Variants in GABRG3 observed in about 807,000 individuals in gnomAD.
GABRG3 encodes gamma-aminobutyric acid type A receptor subunit gamma3.
A neutral mutation model predicts 48.8 loss-of-function variants in GABRG3; 25 were observed. That is an observed-to-expected ratio of 0.51 (90% CI 0.37 to 0.72). The LOEUF (loss-of-function observed/expected upper bound fraction) is 0.72. GABRG3 is among the 30% of genes least tolerant of loss of function. GABRG3 has a pLI of 0.00. For missense variants in GABRG3, 394 were observed against 577.9 expected, an observed-to-expected ratio of 0.68 and a Z score of 3.26; for synonymous variants, 227 against 217.6, an observed-to-expected ratio of 1.04 and a Z score of -0.38.
chr15:27,211,950 G>A (rs1013006431), intron 3 of GABRG3, among the ~76,000 whole-genome samples: 1 of 152,130 alleles, frequency 6.6e-6, no homozygotes, highest in East Asian at 1.9e-4. Context: ...CAGATCACTC[G>A]AGGGTCATCT....
intron 3 of GABRG3, among the ~76,000 whole-genome samples, chr15:27,156,158 G>T (rs1440767148): frequency 6.6e-6 from 1 of 151,854 alleles, no homozygotes; most frequent in East Asian, 1.9e-4. Context: ...AATTAGCTGG[G>T]TGTGGTGGTG....
intron 3 of GABRG3, among the ~76,000 whole-genome samples, chr15:27,266,482 C>G (rs1595623930): frequency 6.6e-6 from 1 of 152,166 alleles, no homozygotes; most frequent in East Asian, 1.9e-4. Context: ...TGATCCTGCA[C>G]ATTTGTTCTT....
intron 5 of GABRG3, among the ~76,000 whole-genome samples, chr15:27,403,334 T>G (rs1335168314): frequency 6.6e-6 from 1 of 151,476 alleles, no homozygotes; most frequent in East Asian, 1.9e-4. Context: ...AGGAAGAAAA[T>G]GAGAGAGCAA....
chr15:27,316,387 C>CAAAAAAAAA (rs749930128), intron 3 of GABRG3, among the ~76,000 whole-genome samples: 8 of 41,534 alleles, frequency 1.9e-4, no homozygotes, highest in Non-Finnish European at 2.7e-4. Flanking sequence ...GACTCCGTCT[C>CAAAAAAAAA]AAAAAAAAAA....
At chr15:27,277,383 A>T (rs1891290914) in intron 3 of GABRG3, among the ~76,000 whole-genome samples, 1 of 152,222 alleles carries the variant, frequency 6.6e-6, no homozygotes, top group Non-Finnish European at 1.5e-5. Context: ...ATAACTATGT[A>T]ACATTGCAGG....
intron 3 of GABRG3, among the ~76,000 whole-genome samples, chr15:27,294,472 T>TC (rs1163336077): frequency 2.0e-5 from 3 of 152,090 alleles, no homozygotes; most frequent in Non-Finnish European, 4.4e-5. Flanking sequence ...TGCATCAGCC[T>TC]CCCAAACTGC....
chr15:27,270,521 T>C (rs1447792827), intron 3 of GABRG3, among the ~76,000 whole-genome samples: 1 of 152,164 alleles, frequency 6.6e-6, no homozygotes, highest in Non-Finnish European at 1.5e-5. Context: ...GTCACTCATA[T>C]GTGGAGTCTG....
chr15:27,306,636 ATTTATATATAAACATATATATGAACATG>A (rs750265107), intron 3 of GABRG3, among the ~76,000 whole-genome samples: 16,420 of 86,368 alleles, frequency 0.19, 3,821 homozygotes, highest in Non-Finnish European at 0.25. Flanking sequence ...ATAAACATAT[ATTTATATATAAACATATATATGAACATG>A]TTTATATATA....
chr15:27,025,105 C>T (rs1203886870), intron 2 of GABRG3, among the ~76,000 whole-genome samples: 6 of 151,508 alleles, frequency 4.0e-5, no homozygotes, highest in Non-Finnish European at 7.4e-5. Flanking sequence ...TGTGTGCGCA[C>T]ACTTATTGCA....
chr15:27,337,780 T>TA (rs35043850), intron 5 of GABRG3, among the ~76,000 whole-genome samples: 141 of 152,206 alleles, frequency 9.3e-4, no homozygotes, highest in Non-Finnish European at 1.7e-3. Context: ...TTGACTAACC[T>TA]AAAAAAAGCC....
At chr15:27,453,262 G>A (rs566404090) in intron 5 of GABRG3, among the ~76,000 whole-genome samples, 17 of 152,266 alleles carry the variant, frequency 1.1e-4, no homozygotes, top group Admixed American at 1.1e-3. Context: ...ATTTCTAAGA[G>A]AGTAGATATT....
chr15:26,981,900 AT>A (rs1173403244), intron 2 of GABRG3, among the ~76,000 whole-genome samples: 1 of 152,192 alleles, frequency 6.6e-6, no homozygotes, highest in Non-Finnish European at 1.5e-5. Context: ...TAGCCATCGA[AT>A]TTCAAAATCC....
intron 5 of GABRG3, among the ~76,000 whole-genome samples, chr15:27,470,516 A>C (rs1889755739): frequency 6.6e-6 from 1 of 151,026 alleles, no homozygotes; most frequent in South Asian, 2.1e-4. Flanking sequence ...TACAGGTGTG[A>C]GGGTGTAATC....
At chr15:27,265,385 C>T (rs2140469701) in intron 3 of GABRG3, among the ~76,000 whole-genome samples, 1 of 152,320 alleles carries the variant, frequency 6.6e-6, no homozygotes, top group East Asian at 1.9e-4. Context: ...GTACAAAAAA[C>T]ACCCGTCTAT....
chr15:27,504,201 ATCC>A (rs1890709056), intron 6 of GABRG3, among the ~76,000 whole-genome samples: 1 of 151,816 alleles, frequency 6.6e-6, no homozygotes, highest in African/African-American at 2.4e-5. Flanking sequence ...TTAATCTGTG[ATCC>A]TCCTTTTTTG....
In GABRG3 at chr15:27,085,224, T is replaced by A. The variant is rs770551077; in HGVS notation, c.270+58403T>A. 3.0e-4 allele frequency among the ~76,000 whole-genome samples: 46 copies of A among 152,180 alleles called. 1 individual carries two copies. Among genetic ancestry groups the A allele is most frequent in the Admixed American group, 2.6e-4 (4 of 15,288 alleles). ...GAGTCTGACCTCATGGGATGTCACA[T>A]CTCTAGGCTGTGATCTTGTTATTTG... On this transcript the variant is annotated intron_variant, in intron 3 of 9. Transcript: ENST00000615808.
chr15:26,973,112 C>G (rs1164446792), intron 1 of GABRG3, among the ~76,000 whole-genome samples: 1 of 152,178 alleles, frequency 6.6e-6, no homozygotes, highest in Admixed American at 6.5e-5. Context: ...AAACGAGTGA[C>G]CAGCCGTTCA....
intron 2 of GABRG3, among the ~76,000 whole-genome samples, chr15:26,986,273 C>T (rs17137533): frequency 0.049 from 7,468 of 152,246 alleles, 597 homozygotes; most frequent in African/African-American, 0.17. Context: ...TTCTTAATTG[C>T]TGTGCTTGAA....
Position 27,532,914 on chromosome 15 carries a change from G to C in GABRG3, c.*33G>C, listed in dbSNP as rs767609151. The C allele has an allele frequency of 2.5e-6, 4 of 1,599,676 alleles. No homozygotes were observed. The highest frequency in any genetic ancestry group is 3.4e-6 in the Non-Finnish European group (4 of 1,172,530). ...TCAGAGTGAAGAGTGAAGAGCATTT[G>C]GTACACACTTGACCTTCTGTCGTCC... On this transcript the variant is annotated 3_prime_UTR_variant, in exon 10 of 10. Transcript: ENST00000615808.
Sources: allele counts gnomAD v4.1 joint callset (sites outside exome capture counted in the v4.1 genomes callset), GRCh38; gene constraint gnomAD v4.1.1; transcripts MANE v1.5; gene names NCBI Gene and HGNC (gene_info 2026-07-23, HGNC 2026-07-21).